DAB1: variants seen among roughly 807,000 people sequenced by gnomAD.
The protein encoded by DAB1 is disabled homolog 1.
DAB1 carries 15 observed loss-of-function variants against 64.6 expected under a neutral mutation model. That is an observed-to-expected ratio of 0.23 (90% CI 0.16 to 0.36). The LOEUF is 0.36. Among genes scored for constraint, DAB1 ranks in the 10% least tolerant of loss-of-function variants. The pLI is 1.00. For synonymous variants in DAB1, 235 were observed against 251.9 expected (o/e 0.93, Z 0.64); for missense variants, 596 against 706.7 (o/e 0.84, Z 1.78).
At chr1:57,623,185 C>T (rs759717972) in intron 7 of DAB1, among the ~76,000 whole-genome samples, 14 of 152,080 alleles carry the variant, frequency 9.2e-5, no homozygotes, top group Admixed American at 5.2e-4. Flanking sequence ...AGCAGGGGGC[C>T]GGCAGAGCTG....
intron 1 of DAB1, among the ~76,000 whole-genome samples, chr1:57,843,127 G>A (rs1248432841): frequency 6.6e-6 from 1 of 152,212 alleles, no homozygotes; most frequent in Non-Finnish European, 1.5e-5. Flanking sequence ...TCTACTGAAT[G>A]TGTATCACTT....
chr1:57,774,787 T>G (rs1452414313), intron 6 of DAB1, among the ~76,000 whole-genome samples: 1 of 151,772 alleles, frequency 6.6e-6, no homozygotes, highest in Non-Finnish European at 1.5e-5. Context: ...TCTTTTTGTT[T>G]ATTGTTAGCA....
At chr1:57,414,080 T>C (rs1179029306) in intron 1 of DAB1, among the ~76,000 whole-genome samples, 2 of 152,224 alleles carry the variant, frequency 1.3e-5, no homozygotes, top group African/African-American at 2.4e-5. Flanking sequence ...GCTGTGAAGA[T>C]TGTTGAAATG....
intron 7 of DAB1, among the ~76,000 whole-genome samples, chr1:57,515,762 C>G (rs1288725044): frequency 1.3e-5 from 2 of 152,250 alleles, no homozygotes; most frequent in Non-Finnish European, 2.9e-5. Context: ...AAGCCTTGAG[C>G]CAAGTACCAA....
At chr1:57,164,433 C>T (rs555302957) in intron 2 of DAB1, among the ~76,000 whole-genome samples, 4 of 152,228 alleles carry the variant, frequency 2.6e-5, no homozygotes, top group South Asian at 2.1e-4. Context: ...GATTGAACCA[C>T]CAGCTGACCC....
rs543826584 is a variant in DAB1, at chr1:57,679,668, C to T, written n.552-30003G>A. 3.9e-5 allele frequency among the ~76,000 whole-genome samples: 6 copies of T among 152,284 alleles called. No homozygotes were observed. In the East Asian group the frequency reaches 1.2e-3, roughly 29 times the overall value. Reference sequence around the variant, plus strand: ...ACAAGCACAAGCACACGCACACACGCCTGTTTAGCATATTCCAGGCCATCA... The same window carrying T: ...ACAAGCACAAGCACACGCACACACGTCTGTTTAGCATATTCCAGGCCATCA... On this transcript the variant is annotated intron_variant and non_coding_transcript_variant, in intron 6 of 20. Coordinates refer to the DAB1 transcript ENST00000485760.
intron 1 of DAB1, among the ~76,000 whole-genome samples, chr1:57,305,068 T>A (rs1016493629): frequency 2.0e-5 from 3 of 152,208 alleles, no homozygotes; most frequent in Non-Finnish European, 4.4e-5. Context: ...GGGAAACTGA[T>A]GACACATTCA....
intron 1 of DAB1, among the ~76,000 whole-genome samples, chr1:57,827,167 C>CT (rs1039728644): frequency 1.4e-4 from 21 of 152,098 alleles, no homozygotes; most frequent in South Asian, 4.1e-4. Flanking sequence ...TTTTGATTCC[C>CT]TTTTTTTATT....
chr1:57,984,350 T>C (rs1434713668), intron 5 of DAB1, among the ~76,000 whole-genome samples: 3 of 152,126 alleles, frequency 2.0e-5, no homozygotes, highest in African/African-American at 7.2e-5. Context: ...TTCCCCCTAA[T>C]TACAATAGTG....
chr1:57,522,604 G>A (rs1199124897), intron 7 of DAB1, among the ~76,000 whole-genome samples: 1 of 152,156 alleles, frequency 6.6e-6, no homozygotes. Flanking sequence ...AGATGTTTAT[G>A]GGTTCAAGTT....
chr1:57,888,761 G>C (rs1388476955), upstream of DAB1, among the ~76,000 whole-genome samples: 1 of 152,130 alleles, frequency 6.6e-6, no homozygotes, highest in Non-Finnish European at 1.5e-5. Flanking sequence ...GTGCACAAAT[G>C]AGAAAATTAA....
chr1:57,396,267 C>G (rs953780174), intron 1 of DAB1, among the ~76,000 whole-genome samples: 1 of 152,246 alleles, frequency 6.6e-6, no homozygotes, highest in African/African-American at 2.4e-5. Context: ...TCCATTTAAC[C>G]TAGCATCTCC....
intron 6 of DAB1, among the ~76,000 whole-genome samples, chr1:57,796,326 G>C (rs1238491109): frequency 1.3e-5 from 2 of 151,928 alleles, no homozygotes; most frequent in Admixed American, 1.3e-4. Context: ...AGAAGATCGA[G>C]ACCATCCTGG....
intron 9 of DAB1, among the ~76,000 whole-genome samples, chr1:57,027,972 A>G (rs1646845604): frequency 6.6e-6 from 1 of 152,216 alleles, no homozygotes; most frequent in Non-Finnish European, 1.5e-5. Context: ...CAGAGAGTTT[A>G]CAGACTGGTG....
intron 4 of DAB1, among the ~76,000 whole-genome samples, chr1:57,081,203 G>T (rs989063824): frequency 1.3e-5 from 2 of 152,154 alleles, no homozygotes; most frequent in African/African-American, 4.8e-5. Flanking sequence ...TGTAAAATGG[G>T]AATGATTCCT....
intron 7 of DAB1, among the ~76,000 whole-genome samples, chr1:57,486,184 A>T (rs1644089715): frequency 6.6e-6 from 1 of 152,234 alleles, no homozygotes; most frequent in Non-Finnish European, 1.5e-5. Context: ...CAGTTAAAAG[A>T]TGTGCAATTT....
chr1:58,375,638 TTC>T (rs1279503439), intron 3 of DAB1, among the ~76,000 whole-genome samples: 1 of 143,356 alleles, frequency 7.0e-6, no homozygotes, highest in Non-Finnish European at 1.6e-5. Flanking sequence ...TGGTCTAAAA[TTC>T]TCTTTTTTTG....
chr1:57,330,108 T>C (rs267650), intron 1 of DAB1, among the ~76,000 whole-genome samples: 54,772 of 151,964 alleles, frequency 0.36, 11,189 homozygotes, highest in Non-Finnish European at 0.48. Context: ...AGCTAAGGCA[T>C]TGAACTACAA....
intron 1 of DAB1, among the ~76,000 whole-genome samples, chr1:57,848,670 G>A (rs1653391905): frequency 6.6e-6 from 1 of 152,188 alleles, no homozygotes; most frequent in Non-Finnish European, 1.5e-5. Context: ...GAAGTGATCA[G>A]GAATGTCCAA....
Sources: allele counts gnomAD v4.1 joint callset (sites outside exome capture counted in the v4.1 genomes callset), GRCh38; gene constraint gnomAD v4.1.1; transcripts MANE v1.5; gene names NCBI Gene and HGNC (gene_info 2026-07-23, HGNC 2026-07-21).